OR2M4: variants seen among roughly 807,000 people sequenced by gnomAD.
The protein encoded by OR2M4 is olfactory receptor 2M4.
In OR2M4, 8 loss-of-function variants were observed where a neutral mutation model predicts 13.7. The ratio of observed to expected loss-of-function variants is 0.58; its 90% CI spans 0.34 to 1.05. The LOEUF (loss-of-function observed/expected upper bound fraction) is 1.05, where lower values mean the gene tolerates loss of function less well. OR2M4 is among the 50% of genes least tolerant of loss of function. OR2M4 has a pLI of 0.02. For synonymous variants in OR2M4, 152 were observed against 141.3 expected, an observed-to-expected ratio of 1.08 and a Z score of -0.53; for missense variants, 374 against 381.6, an observed-to-expected ratio of 0.98 and a Z score of 0.17.
Position 248,241,561 on chromosome 1 carries a change from T to G in OR2M4, c.*1697T>G, listed in dbSNP as rs552110906. Reference sequence around the variant, plus strand: ...AAATGTGCTAGCAAATTTTAAAAATTAAAACAAAGGCTAATTTTATCCTTA... The same window carrying G: ...AAATGTGCTAGCAAATTTTAAAAATGAAAACAAAGGCTAATTTTATCCTTA... On this transcript the variant is annotated 3_prime_UTR_variant, in exon 2 of 2. Coordinates refer to ENST00000641868, the MANE Select transcript of OR2M4 (RefSeq NM_017504.2). 1 of 152,192 alleles carries G rather than the reference T, an allele frequency of 6.6e-6. No homozygotes were observed. The highest frequency in any genetic ancestry group is 2.1e-4 in the South Asian group (1 of 4,824). 9.4% of individuals were successfully genotyped at this position (152,192 alleles called of 1,614,324 possible). A position where few individuals can be genotyped will look rare whatever the true frequency, so the allele number is the denominator to read the frequency against.
In OR2M4 at chr1:248,242,930, TTAC is replaced by T. The variant is rs1177303056; in HGVS notation, c.*3068_*3070del. The T allele has an allele frequency of 2.6e-5, 4 of 152,322 alleles. No homozygotes were observed. The East Asian group carries it at 7.7e-4, about 29-fold the overall frequency. The allele number at this position is 152,322 out of a possible 1,614,324, so 9.4% of individuals were successfully genotyped here. A position where few individuals can be genotyped will look rare whatever the true frequency, so the allele number is the denominator to read the frequency against. The stretch of plus-strand genomic sequence containing the variant: ...AATTTTGATATTGATGAATTTAAAG[TTAC>T]TTTTTAATTTATATGTTAAATTTTT... On this transcript the variant is annotated 3_prime_UTR_variant, in exon 2 of 2. Coordinates refer to ENST00000641868, the MANE Select transcript of OR2M4 (RefSeq NM_017504.2).
In OR2M4 at chr1:248,244,287, C is replaced by T. The variant is rs924353245; in HGVS notation, c.*4423C>T. Reference sequence around the variant, plus strand: ...TTATTCCCAATAGCAAGGAATCAACCTACATGCCCATCAATGGTGGATTGG... The same window carrying T: ...TTATTCCCAATAGCAAGGAATCAACTTACATGCCCATCAATGGTGGATTGG... On this transcript the variant is annotated 3_prime_UTR_variant, in exon 2 of 2. Coordinates refer to ENST00000641868, the MANE Select transcript of OR2M4 (RefSeq NM_017504.2). 1.3e-5 allele frequency: 2 copies of T among 152,056 alleles called. No homozygotes were observed. Among genetic ancestry groups the T allele is most frequent in the Admixed American group, 1.3e-4 (2 of 15,276 alleles). 9.4% of individuals were successfully genotyped at this position (152,056 alleles called of 1,614,324 possible).
At position 248,244,136 on chromosome 1, in the gene OR2M4, T is replaced by G. The variant is rs1005863761; in HGVS notation, c.*4272T>G. The G allele has an allele frequency of 2.0e-5, 3 of 152,142 alleles. No homozygotes were observed. Among genetic ancestry groups the G allele is most frequent in the Non-Finnish European group, 4.4e-5 (3 of 68,024 alleles). 9.4% of individuals were successfully genotyped at this position (152,142 alleles called of 1,614,324 possible). A position where few individuals can be genotyped will look rare whatever the true frequency, so the allele number is the denominator to read the frequency against. On this transcript the variant is annotated 3_prime_UTR_variant, in exon 2 of 2. Transcript: ENST00000641868. ...ATAGTTGAGCCACTGTGGAAAGCAG[T>G]TTGGAGATTTCTCGAAGAACTTAAA...
intron 1 of OR2M4, among the ~76,000 whole-genome samples, chr1:248,237,715 C>T (rs1403085422): frequency 6.6e-6 from 1 of 152,112 alleles, no homozygotes; most frequent in Non-Finnish European, 1.5e-5. Flanking sequence ...ATGGAACATA[C>T]ATCAAATTAA....
chr1:248,240,365 T>C lies in OR2M4; in HGVS notation c.*501T>C, dbSNP rs1666607040. 6.6e-6 allele frequency: 1 copy of C among 152,606 alleles called. No homozygotes were observed. Among genetic ancestry groups the C allele is most frequent in the East Asian group, 1.9e-4 (1 of 5,208 alleles). 9.5% of individuals were successfully genotyped at this position (152,606 alleles called of 1,614,324 possible). ...GAGTTAGTATCAACACTTTCTTCAA[T>C]CAAGTTTTATGTCTGCATAAAATAT... On this transcript the variant is annotated 3_prime_UTR_variant, in exon 2 of 2. Transcript: ENST00000641868.
chr1:248,239,328 ATCC>A lies in OR2M4; in HGVS notation c.403_405del (p.Leu135del), dbSNP rs1666590485. On this transcript the variant is annotated inframe_deletion, in exon 2 of 2. Coordinates refer to ENST00000641868, the MANE Select transcript of OR2M4 (RefSeq NM_017504.2). ...TATATGTCACCCTCTTCAGTACACCATCCTCATGAATCCGAAACTCTGTGTCTT... is the reference window on the plus strand; with the variant it reads ...TATATGTCACCCTCTTCAGTACACCATCATGAATCCGAAACTCTGTGTCTT... 1.2e-6 allele frequency: 2 copies of A among 1,613,868 alleles called. No homozygotes were observed. The highest frequency in any genetic ancestry group is 1.7e-6 in the Non-Finnish European group (2 of 1,180,014).
chr1:248,238,976 A>T lies in OR2M4; in HGVS notation c.48A>T (p.Gly16=). Residue 16 remains glycine, a synonymous_variant, in exon 2 of 2, where the codon GGA becomes GGT. Coordinates refer to ENST00000641868, the MANE Select transcript of OR2M4 (RefSeq NM_017504.2). ...QTFNSIFILL[G]IFNHSPTHTF... is the part of the protein sequence containing the mutation. ...TCAACTCCATCTTCATCCTGCTGGGAATCTTCAATCACAGTCCCACCCACA... is the reference window on the plus strand; with the variant it reads ...TCAACTCCATCTTCATCCTGCTGGGTATCTTCAATCACAGTCCCACCCACA... 6.2e-7 allele frequency: 1 copy of T among 1,612,258 alleles called. No homozygotes were observed.
chr1:248,235,198 G>T (rs971143954), intron 1 of OR2M4, among the ~76,000 whole-genome samples: 1 of 152,108 alleles, frequency 6.6e-6, no homozygotes, highest in Non-Finnish European at 1.5e-5. Flanking sequence ...GTAAGATAAA[G>T]GTCCAGTTTC....
chr1:248,235,894 T>A (rs1475852300), intron 1 of OR2M4, among the ~76,000 whole-genome samples: 4 of 152,164 alleles, frequency 2.6e-5, no homozygotes, highest in Admixed American at 2.6e-4. Context: ...CTTAAAGAAC[T>A]TTTGGGCTGA....
intron 1 of OR2M4, among the ~76,000 whole-genome samples, chr1:248,237,473 G>C (rs1398066491): frequency 1.3e-5 from 2 of 151,980 alleles, no homozygotes; most frequent in East Asian, 1.9e-4. Context: ...GACCAACATG[G>C]TGTAACCCTA....
intron 1 of OR2M4, among the ~76,000 whole-genome samples, chr1:248,237,888 G>T (rs1216349666): frequency 6.6e-6 from 1 of 152,192 alleles, no homozygotes; most frequent in Non-Finnish European, 1.5e-5. Context: ...GTAGCACATT[G>T]CAGAGAAGCT....
chr1:248,243,370 TGGCATTCGCA>T lies in OR2M4; in HGVS notation c.*3511_*3520del, dbSNP rs1391854534. Reference sequence around the variant, plus strand: ...GGCCACTTGGCTCTTTCGTGTTTCCTGGCATTCGCAGGCACGCTGTCCGGTGGGGGTTGAG... The same window carrying T: ...GGCCACTTGGCTCTTTCGTGTTTCCTGGCACGCTGTCCGGTGGGGGTTGAG... On this transcript the variant is annotated 3_prime_UTR_variant, in exon 2 of 2. Transcript: ENST00000641868. The T allele has an allele frequency of 1.3e-5, 2 of 152,198 alleles. No homozygotes were observed. Among genetic ancestry groups the T allele is most frequent in the African/African-American group, 4.8e-5 (2 of 41,422 alleles). 9.4% of individuals were successfully genotyped at this position (152,198 alleles called of 1,614,324 possible).
intron 1 of OR2M4, among the ~76,000 whole-genome samples, chr1:248,235,149 A>C (rs1666545300): frequency 3.9e-5 from 6 of 152,186 alleles, no homozygotes; most frequent in Admixed American, 3.9e-4. Context: ...TTTTACATTT[A>C]AGTCTTTAAT....
rs1666593028 is a variant in OR2M4 at position 248,239,459 on chromosome 1, T to C, written c.531T>C (p.Phe177=). 6.2e-7 allele frequency: 1 copy of C among 1,614,158 alleles called. No homozygotes were observed. The highest frequency in any genetic ancestry group is 8.5e-7 in the Non-Finnish European group (1 of 1,180,016). Residue 177 remains phenylalanine, a synonymous_variant, in exon 2 of 2, where the codon TTT becomes TTC. Transcript: ENST00000641868. ...SYCSSLEIHH[F]FCDVAALLPL... is the part of the protein sequence containing the mutation. ...GCAGCTCTCTGGAAATTCATCACTT[T>C]TTCTGTGATGTTGCTGCCCTTTTAC...
Position 248,243,700 on chromosome 1 carries a change from C to G in OR2M4, c.*3836C>G, listed in dbSNP as rs1666639567. 1 of 152,114 alleles carries G rather than the reference C, an allele frequency of 6.6e-6. No individual in the cohort carries two copies. Among genetic ancestry groups the G allele is most frequent in the South Asian group, 2.1e-4 (1 of 4,830 alleles). The allele number at this position is 152,114 out of a possible 1,614,324, so 9.4% of individuals were successfully genotyped here. ...AACATTTGCAACAAAAATTGACAAGCTAGACCTAATTAAAGAGCTTCTTCA... is the reference window on the plus strand; with the variant it reads ...AACATTTGCAACAAAAATTGACAAGGTAGACCTAATTAAAGAGCTTCTTCA... On this transcript the variant is annotated 3_prime_UTR_variant, in exon 2 of 2. Coordinates refer to ENST00000641868, the MANE Select transcript of OR2M4 (RefSeq NM_017504.2).
rs564514240 is a variant in OR2M4 at position 248,233,499 on chromosome 1, C to A, written c.-20+1919C>A. On this transcript the variant is annotated intron_variant, in intron 1 of 1. Transcript: ENST00000641868. Reference sequence around the variant, plus strand: ...GAATTCCACAGAATAAATTTGAAAACTACTACCTGCTTAGTATTTCTTAGT... The same window carrying A: ...GAATTCCACAGAATAAATTTGAAAAATACTACCTGCTTAGTATTTCTTAGT... Among the ~76,000 whole-genome samples, 51 of 152,070 alleles carry A rather than the reference C, an allele frequency of 3.4e-4. No individual in the cohort carries two copies. In the Middle Eastern group the frequency reaches 0.01, roughly 31 times the overall value.
In OR2M4 at chr1:248,239,573, A is replaced by G. The variant is rs771249990; in HGVS notation, c.645A>G (p.Ile215Met). 5.6e-6 allele frequency: 9 copies of G among 1,613,914 alleles called. No homozygotes were observed. In the African/African-American group the frequency reaches 6.7e-5, roughly 12 times the overall value. The change falls in exon 2 of 2, where the codon ATA becomes ATG. Residue 215 changes from isoleucine (I) to methionine (M), a missense_variant. Transcript: ENST00000641868. Reference protein sequence around the residue: ...VMLIFPVSVIILSYSHVLRAV... With the variant: ...VMLIFPVSVIMLSYSHVLRAV... ...TAATCTTTCCAGTTTCAGTTATCAT[A>G]CTTTCCTATTCCCATGTCCTTCGAG...
In OR2M4 at chr1:248,231,525, C is replaced by T. The variant is rs1666503231; in HGVS notation, c.-75C>T. The stretch of plus-strand genomic sequence containing the variant: ...CAGCTCAGGCAGTGATTATTATATT[C>T]CAGAGTATAAAGAACCCAGAACTGA... On this transcript the variant is annotated 5_prime_UTR_variant, in exon 1 of 2. Transcript: ENST00000641868. 1 of 152,098 alleles carries T rather than the reference C, an allele frequency of 6.6e-6. No homozygotes were observed. Among genetic ancestry groups the T allele is most frequent in the Non-Finnish European group, 1.5e-5 (1 of 68,020 alleles). 9.4% of individuals were successfully genotyped at this position (152,098 alleles called of 1,614,324 possible). A position where few individuals can be genotyped will look rare whatever the true frequency, so the allele number is the denominator to read the frequency against.
intron 1 of OR2M4, among the ~76,000 whole-genome samples, chr1:248,234,955 G>C (rs930842785): frequency 6.6e-6 from 1 of 151,980 alleles, no homozygotes; most frequent in Non-Finnish European, 1.5e-5. Context: ...TCTATAGGTT[G>C]CCTGTTTGCT....
Sources: allele counts gnomAD v4.1 joint callset (sites outside exome capture counted in the v4.1 genomes callset), GRCh38; gene constraint gnomAD v4.1.1; transcripts MANE v1.5; gene names NCBI Gene and HGNC (gene_info 2026-07-23, HGNC 2026-07-21).